Variants in DCUN1D4 observed in about 807,000 individuals in gnomAD.
DCUN1D4 encodes the protein defective in cullin neddylation 1 domain containing 4.
DCUN1D4 carries 22 observed loss-of-function variants against 47.9 expected under a neutral mutation model. The ratio of observed to expected loss-of-function variants is 0.46; its 90% CI spans 0.33 to 0.66. DCUN1D4 has a LOEUF of 0.66. DCUN1D4 is among the 30% of genes least tolerant of loss of function. The probability of loss-of-function intolerance (pLI) is 0.02; values close to 1 mark genes in which losing one functional copy is unlikely to be tolerated. For synonymous variants in DCUN1D4, 121 were observed against 112.2 expected (o/e 1.08, Z -0.50); for missense variants, 301 against 340.8 (o/e 0.88, Z 0.92).
intron 8 of DCUN1D4, chr4:51,905,309 C>G: frequency 2.3e-6 from 1 of 433,250 alleles, no homozygotes; most frequent in Non-Finnish European, 4.7e-6. Context: ...CGCATCTGCC[C>G]TTGACGTCCA....
intron 1 of DCUN1D4, chr4:51,845,090 T>G (rs1054290296): frequency 1.0e-6 from 1 of 985,304 alleles, no homozygotes; most frequent in Non-Finnish European, 1.2e-6. Flanking sequence ...AAATGCTTGG[T>G]CTTGTACCAT....
intron 7 of DCUN1D4, among the ~76,000 whole-genome samples, 171 bp from the exon 8 acceptor site, chr4:51,899,099 A>C (rs1019971610): frequency 7.2e-5 from 11 of 152,204 alleles, no homozygotes; most frequent in African/African-American, 2.7e-4. Context: ...TATTCTTTCA[A>C]CTTTTCTGTA....
intron 1 of DCUN1D4, among the ~76,000 whole-genome samples, chr4:51,846,287 C>A (rs1464275022): frequency 3.3e-5 from 5 of 152,124 alleles, no homozygotes; most frequent in Admixed American, 2.0e-4. Context: ...ATGTTTCTTA[C>A]ACGTTATCCA....
intron 1 of DCUN1D4, among the ~76,000 whole-genome samples, chr4:51,849,833 ATG>A (rs1461284065): frequency 1.6e-5 from 2 of 123,418 alleles, no homozygotes; most frequent in African/African-American, 8.7e-5. Context: ...CTACAGAAAT[ATG>A]TGTGTGTGTG....
chr4:51,904,531 C>G (rs1011350444), intron 8 of DCUN1D4, among the ~76,000 whole-genome samples: 5 of 152,196 alleles, frequency 3.3e-5, no homozygotes, highest in African/African-American at 9.6e-5. Flanking sequence ...TTTTCCAACT[C>G]AGCAAGATTG....
intron 7 of DCUN1D4, among the ~76,000 whole-genome samples, chr4:51,893,552 G>A (rs114334566): frequency 0.014 from 2,136 of 152,022 alleles, 50 homozygotes; most frequent in African/African-American, 0.047. Context: ...CAGCTTCCCC[G>A]AGTAGCTGGG....
At chr4:51,863,545 T>A in intron 2 of DCUN1D4, 38 bp downstream of exon 2, 2 of 1,583,924 alleles carry the variant, frequency 1.3e-6, no homozygotes, top group Non-Finnish European at 8.6e-7. Context: ...ACCAACTGTT[T>A]GAAGTAGTCA....
intron 9 of DCUN1D4, among the ~76,000 whole-genome samples, chr4:51,911,793 A>AT (rs1733752172): frequency 6.6e-6 from 1 of 152,156 alleles, no homozygotes; most frequent in African/African-American, 2.4e-5. Context: ...TTGAAGTGTC[A>AT]TTCTGTGGGA....
intron 4 of DCUN1D4, 35 bp downstream of exon 4, chr4:51,874,420 T>TACTGCA: frequency 6.7e-7 from 1 of 1,503,486 alleles, no homozygotes; most frequent in Non-Finnish European, 9.2e-7. Context: ...GAATCAGTGA[T>TACTGCA]ACATATGTCG....
At chr4:51,847,546 C>G (rs556254332) in intron 1 of DCUN1D4, among the ~76,000 whole-genome samples, 1 of 152,248 alleles carries the variant, frequency 6.6e-6, no homozygotes, top group South Asian at 2.1e-4. Context: ...TTTCCCATAC[C>G]TATTGCCATG....
chr4:51,890,171 T>C (rs1453255928), intron 6 of DCUN1D4, among the ~76,000 whole-genome samples: 1 of 152,134 alleles, frequency 6.6e-6, no homozygotes, highest in Admixed American at 6.5e-5. Context: ...AAGAAGAGCT[T>C]CTGAATCTCC....
Position 51,848,139 on chromosome 4 carries a change from A to C in DCUN1D4, c.25+4872A>C, listed in dbSNP as rs548252025. On this transcript the variant is annotated intron_variant, in intron 1 of 10. Coordinates refer to ENST00000334635, the MANE Select transcript of DCUN1D4 (RefSeq NM_001040402.3). ...AAGGAACACAAGCTTTCACCTACTC[A>C]TTCTTTGCATTTTTTAGACAAAGTC... 2.5e-6 allele frequency: 3 copies of C among 1,224,444 alleles called. No homozygotes were observed. The African/African-American group carries it at 4.7e-5, about 19-fold the overall frequency. 75.8% of individuals were successfully genotyped at this position (1,224,444 alleles called of 1,614,324 possible).
At chr4:51,869,625 G>A (rs1463981634) in intron 3 of DCUN1D4, among the ~76,000 whole-genome samples, 1 of 152,036 alleles carries the variant, frequency 6.6e-6, no homozygotes, top group African/African-American at 2.4e-5. Flanking sequence ...AGGAAGTGAA[G>A]CACATACTTA....
chr4:51,843,550 T>G (rs1721933749), intron 1 of DCUN1D4: 2 of 1,198,484 alleles, frequency 1.7e-6, no homozygotes, highest in Non-Finnish European at 1.0e-6. Context: ...GGGCTGGACG[T>G]GCGATGAAGG....
rs1429116993 is a variant in DCUN1D4 at position 51,843,712 on chromosome 4, A to G, written c.25+445A>G. ...AAGGGTGAGGATTTCCAAAGGGCTG[A>G]GTGGTGCGGGCGGCTCCGTGAGAAA... On this transcript the variant is annotated intron_variant, in intron 1 of 10. Transcript: ENST00000334635. 8.5e-5 allele frequency: 93 copies of G among 1,100,208 alleles called. 1 individual carries two copies. The South Asian group carries it at 3.4e-3, about 40-fold the overall frequency. The allele number at this position is 1,100,208 out of a possible 1,614,324, so 68.2% of individuals were successfully genotyped here.
In DCUN1D4 at chr4:51,858,837, T is replaced by C. The variant is rs1002989734; in HGVS notation, c.26-4600T>C. ...GGAAAGCAGCCATACTTACGTATTG[T>C]TTATGGCTGCTTTTGAGCTACTATG... On this transcript the variant is annotated intron_variant, in intron 1 of 10. Transcript: ENST00000334635. Among the ~76,000 whole-genome samples, 24 of 152,238 alleles carry C rather than the reference T, an allele frequency of 1.6e-4. 1 individual carries two copies. Among genetic ancestry groups the C allele is most frequent in the Non-Finnish European group, 2.4e-4 (16 of 68,042 alleles).
intron 10 of DCUN1D4, 25 bp from the exon 11 acceptor site, chr4:51,913,504 C>T (rs749100634): frequency 1.3e-6 from 2 of 1,594,370 alleles, no homozygotes; most frequent in Non-Finnish European, 1.7e-6. Context: ...ATTATTATTA[C>T]TACTGTTTCT....
At chr4:51,903,566 T>A (rs368180186) in intron 8 of DCUN1D4, among the ~76,000 whole-genome samples, 55 of 152,302 alleles carry the variant, frequency 3.6e-4, no homozygotes, top group Non-Finnish European at 3.7e-4. Context: ...TTTCTGCTGT[T>A]ATTTCTCCAA....
At chr4:51,888,973 G>A (rs1218067651) in intron 6 of DCUN1D4, among the ~76,000 whole-genome samples, 5 of 151,664 alleles carry the variant, frequency 3.3e-5, no homozygotes, top group African/African-American at 1.2e-4. Context: ...GCCGGGCGTA[G>A]TGATGTGCGC....
Sources: allele counts gnomAD v4.1 joint callset (sites outside exome capture counted in the v4.1 genomes callset), GRCh38; gene constraint gnomAD v4.1.1; transcripts MANE v1.5; gene names NCBI Gene and HGNC (gene_info 2026-07-23, HGNC 2026-07-21).